The following ADARB2 variants were observed in gnomAD, a reference collection of about 807,000 sequenced individuals.
ADARB2 encodes inactive double-stranded RNA-specific editase B2.
ADARB2 carries 25 observed loss-of-function variants against 62.2 expected under a neutral mutation model. The observed-to-expected ratio is 0.40, with a 90% CI of 0.29 to 0.56. The LOEUF (loss-of-function observed/expected upper bound fraction) is 0.56. Among genes scored for constraint, ADARB2 ranks in the 20% least tolerant of loss-of-function variants. ADARB2 has a pLI of 0.43. For missense variants in ADARB2, 1,071 were observed against 1,077.4 expected, an observed-to-expected ratio of 0.99 and a Z score of 0.08; for synonymous variants, 572 against 500.8, an observed-to-expected ratio of 1.14 and a Z score of -1.90.
chr10:1,574,392 T>C (rs999790773), intron 1 of ADARB2, among the ~76,000 whole-genome samples: 1 of 152,210 alleles, frequency 6.6e-6, no homozygotes, highest in East Asian at 1.9e-4. Flanking sequence ...GGAAAGAGAA[T>C]TGGGCAGACG....
chr10:1,662,258 G>A (rs1834258128), intron 1 of ADARB2, among the ~76,000 whole-genome samples: 1 of 152,186 alleles, frequency 6.6e-6, no homozygotes, highest in South Asian at 2.1e-4. Context: ...CGGTCCACGG[G>A]TTTGAGGAGG....
At chr10:1,659,775 T>C (rs1376680372) in intron 1 of ADARB2, among the ~76,000 whole-genome samples, 12 of 142,210 alleles carry the variant, frequency 8.4e-5, no homozygotes, top group South Asian at 2.3e-4. Context: ...CCTGTGAGAC[T>C]CCGGGGCAGG....
chr10:1,232,494 A>G (rs1264094793), intron 6 of ADARB2, among the ~76,000 whole-genome samples: 2 of 124,860 alleles, frequency 1.6e-5, no homozygotes, highest in Non-Finnish European at 3.5e-5. Context: ...TGTACATGCT[A>G]TGCATGTGTA....
chr10:1,365,097 C>T (rs939431231), intron 2 of ADARB2, among the ~76,000 whole-genome samples: 13 of 152,108 alleles, frequency 8.5e-5, no homozygotes, highest in Admixed American at 7.2e-4. Flanking sequence ...GTCTCGAACT[C>T]CTGACCTCAG....
chr10:1,406,193 T>A (rs183880911), intron 1 of ADARB2, among the ~76,000 whole-genome samples: 93 of 152,350 alleles, frequency 6.1e-4, no homozygotes, highest in African/African-American at 2.1e-3. Context: ...TGGATTGCAA[T>A]GTCACCCTGG....
At chr10:1,294,494 G>T (rs1366279377) in intron 3 of ADARB2, among the ~76,000 whole-genome samples, 1 of 152,126 alleles carries the variant, frequency 6.6e-6, no homozygotes, top group Non-Finnish European at 1.5e-5. Flanking sequence ...CCTTACAGCT[G>T]GGGAAACTGA....
chr10:1,711,474 T>A (rs1439895621), intron 1 of ADARB2, among the ~76,000 whole-genome samples: 1 of 152,234 alleles, frequency 6.6e-6, no homozygotes, highest in Non-Finnish European at 1.5e-5. Context: ...TAATTGGCAC[T>A]GATTTTGTTC....
At chr10:1,506,835 C>A (rs920773014) in intron 1 of ADARB2, among the ~76,000 whole-genome samples, 2 of 152,184 alleles carry the variant, frequency 1.3e-5, no homozygotes, top group Non-Finnish European at 2.9e-5. Flanking sequence ...GGGGGTGGGG[C>A]CCGGTGATGG....
chr10:1,200,242 C>T lies in ADARB2; in HGVS notation c.1683-95G>A, dbSNP rs771215773. The T allele has an allele frequency of 2.0e-6, 3 of 1,500,444 alleles. 1 individual carries two copies. The South Asian group carries it at 3.6e-5, about 18-fold the overall frequency. The allele number at this position is 1,500,444 out of a possible 1,614,324, so 92.9% of individuals were successfully genotyped here. On this transcript the variant is annotated intron_variant, in intron 7 of 9. Transcript: ENST00000381312. ...CTGCGGCCTGGTCCTGAGGACCTGT[C>T]AGTCTTCCCATCGTGCGGACCTTGG...
Position 1,701,713 on chromosome 10 carries a change from A to G in ADARB2, c.100+35338T>C, listed in dbSNP as rs866064383. Among the ~76,000 whole-genome samples the G allele has an allele frequency of 1.5e-3, 107 of 69,714 alleles. 1 individual carries two copies. The highest frequency in any genetic ancestry group is 4.3e-3 in the African/African-American group (80 of 18,756). The allele number at this position is 69,714 out of a possible 152,430, so 45.7% of individuals were successfully genotyped here. ...CTCAATCCCACTCCACCGGGAGACCAGGCACTCGCCAATACACGCAATCCC... is the reference window on the plus strand; with the variant it reads ...CTCAATCCCACTCCACCGGGAGACCGGGCACTCGCCAATACACGCAATCCC... On this transcript the variant is annotated intron_variant, in intron 1 of 9. Transcript: ENST00000381312.
intron 1 of ADARB2, among the ~76,000 whole-genome samples, chr10:1,597,484 G>T (rs1366368491): frequency 6.6e-6 from 1 of 152,140 alleles, no homozygotes; most frequent in African/African-American, 2.4e-5. Context: ...TTCAAAAAGA[G>T]ACATATGAGG....
At chr10:1,286,139 A>G (rs950823697) in intron 3 of ADARB2, among the ~76,000 whole-genome samples, 2 of 152,132 alleles carry the variant, frequency 1.3e-5, no homozygotes, top group African/African-American at 4.8e-5. Context: ...GGGAGTGCAG[A>G]TGGCAGAGGG....
chr10:1,564,146 A>C (rs1832826985), intron 1 of ADARB2, among the ~76,000 whole-genome samples: 1 of 152,192 alleles, frequency 6.6e-6, no homozygotes, highest in African/African-American at 2.4e-5. Flanking sequence ...GTATATACCC[A>C]GTAATAGGAT....
intron 1 of ADARB2, among the ~76,000 whole-genome samples, chr10:1,396,365 G>A (rs908405202): frequency 2.0e-5 from 3 of 152,120 alleles, no homozygotes; most frequent in Non-Finnish European, 4.4e-5. Context: ...CAGCCTTCAC[G>A]CCCGTCTCTG....
At chr10:1,436,534 C>T (rs1269342322) in intron 1 of ADARB2, among the ~76,000 whole-genome samples, 1 of 152,100 alleles carries the variant, frequency 6.6e-6, no homozygotes, top group Non-Finnish European at 1.5e-5. Context: ...AGTATTGTAA[C>T]CATCTTTATA....
At chr10:1,662,491 T>C (rs561486787) in intron 1 of ADARB2, among the ~76,000 whole-genome samples, 1 of 152,202 alleles carries the variant, frequency 6.6e-6, no homozygotes, top group Non-Finnish European at 1.5e-5. Flanking sequence ...GAGGACTCAG[T>C]GCAGCCACGT....
intron 1 of ADARB2, among the ~76,000 whole-genome samples, chr10:1,659,155 G>A (rs1477407907): frequency 1.3e-5 from 2 of 152,208 alleles, no homozygotes; most frequent in Non-Finnish European, 2.9e-5. Context: ...GTAACACAGG[G>A]GACTGGAGGG....
At chr10:1,539,309 T>C (rs1210248170) in intron 1 of ADARB2, among the ~76,000 whole-genome samples, 1 of 152,138 alleles carries the variant, frequency 6.6e-6, no homozygotes, top group African/African-American at 2.4e-5. Context: ...GGGCCTGGAG[T>C]CCTTCTCTGC....
chr10:1,441,022 T>A (rs1344818271), intron 1 of ADARB2, among the ~76,000 whole-genome samples: 1 of 152,250 alleles, frequency 6.6e-6, no homozygotes, highest in Non-Finnish European at 1.5e-5. Context: ...GGTTCACTGG[T>A]GGACCAGTTT....
Sources: allele counts gnomAD v4.1 joint callset (sites outside exome capture counted in the v4.1 genomes callset), GRCh38; gene constraint gnomAD v4.1.1; transcripts MANE v1.5; gene names NCBI Gene and HGNC (gene_info 2026-07-23, HGNC 2026-07-21).